The following REC114 variants were observed in gnomAD, a reference collection of about 807,000 sequenced individuals.
REC114 encodes REC114 meiotic recombination protein.
REC114 carries 27 observed loss-of-function variants against 31.3 expected under a neutral mutation model. That is an observed-to-expected ratio of 0.86 (90% CI 0.64 to 1.19). REC114 has a LOEUF of 1.19. Among genes scored for constraint, REC114 ranks in the 50% most tolerant of loss-of-function variants. REC114 has a pLI of 0.00. For synonymous variants in REC114, 134 were observed against 127.7 expected (o/e 1.05, Z -0.33); for missense variants, 344 against 326.9 (o/e 1.05, Z -0.40).
intron 4 of REC114, 30 bp from the exon 5 acceptor site, chr15:73,556,272 G>C: frequency 1.3e-6 from 2 of 1,579,972 alleles, no homozygotes; most frequent in Non-Finnish European, 1.7e-6. Flanking sequence ...CATTCAGCTA[G>C]TCTCCTTATT....
At chr15:73,534,026 G>A (rs1454830123) in intron 2 of REC114, among the ~76,000 whole-genome samples, 30 of 123,886 alleles carry the variant, frequency 2.4e-4, no homozygotes, top group African/African-American at 7.9e-4. Flanking sequence ...TCTCTGGGAC[G>A]CATTCAAAGC....
At chr15:73,541,854 TAAAC>T (rs960991713) in intron 3 of REC114, among the ~76,000 whole-genome samples, 1 of 152,180 alleles carries the variant, frequency 6.6e-6, no homozygotes, top group African/African-American at 2.4e-5. Context: ...ACTAAAATTT[TAAAC>T]TAACTACAAA....
intron 1 of REC114, among the ~76,000 whole-genome samples, chr15:73,457,065 CTTTTTT>C (rs934090597): frequency 8.5e-4 from 58 of 68,000 alleles, no homozygotes; most frequent in African/African-American, 3.1e-3. Context: ...TATTTCTGAG[CTTTTTT>C]TTTTTTTTTT....
intron 2 of REC114, among the ~76,000 whole-genome samples, chr15:73,528,592 T>C (rs1008376120): frequency 6.6e-5 from 10 of 152,258 alleles, no homozygotes; most frequent in African/African-American, 2.4e-4. Flanking sequence ...CCTGTTTTTG[T>C]ATGGCTTTTG....
chr15:73,494,287 G>A (rs1216685474), intron 2 of REC114, among the ~76,000 whole-genome samples: 22 of 151,892 alleles, frequency 1.4e-4, no homozygotes, highest in Non-Finnish European at 4.4e-5. Flanking sequence ...GCAGTGAGCC[G>A]AGATCTCGCT....
chr15:73,510,252 T>C (rs888820467), intron 2 of REC114, among the ~76,000 whole-genome samples: 13 of 152,176 alleles, frequency 8.5e-5, no homozygotes, highest in Non-Finnish European at 1.6e-4. Context: ...TTGTCTGTTG[T>C]TGGTGTATAA....
chr15:73,502,261 A>G (rs1893613517), intron 2 of REC114, among the ~76,000 whole-genome samples: 1 of 152,182 alleles, frequency 6.6e-6, no homozygotes, highest in Non-Finnish European at 1.5e-5. Flanking sequence ...CTTATAGAAA[A>G]AAAAATATAA....
intron 1 of REC114, among the ~76,000 whole-genome samples, chr15:73,455,780 C>T (rs1203890500): frequency 6.6e-6 from 1 of 152,070 alleles, no homozygotes; most frequent in Non-Finnish European, 1.5e-5. Flanking sequence ...TGGTTTAGAG[C>T]TGTGCTACCC....
At chr15:73,499,863 T>C (rs1300649574) in intron 2 of REC114, among the ~76,000 whole-genome samples, 3 of 152,204 alleles carry the variant, frequency 2.0e-5, no homozygotes, top group Admixed American at 1.3e-4. Flanking sequence ...TGGCGTGTTA[T>C]TGTATTACTG....
intron 1 of REC114, among the ~76,000 whole-genome samples, chr15:73,448,682 G>C (rs769788918): frequency 6.6e-6 from 1 of 152,172 alleles, no homozygotes; most frequent in Non-Finnish European, 1.5e-5. Flanking sequence ...GTGGGTCCCT[G>C]ACCTTTGTGT....
chr15:73,462,398 G>A (rs1357862162), intron 1 of REC114, among the ~76,000 whole-genome samples: 1 of 151,980 alleles, frequency 6.6e-6, no homozygotes, highest in African/African-American at 2.4e-5. Context: ...GTAGAATTAG[G>A]ACATTATATT....
chr15:73,527,829 G>A (rs1475766296), intron 2 of REC114, among the ~76,000 whole-genome samples: 1 of 152,092 alleles, frequency 6.6e-6, no homozygotes, highest in Admixed American at 6.5e-5. Context: ...AATATGAGTG[G>A]ATGGAGCTAC....
rs192941693 is a variant in REC114, at chr15:73,530,899, G to A, written c.250-9586G>A. Among the ~76,000 whole-genome samples, 10 of 152,180 alleles carry A rather than the reference G, an allele frequency of 6.6e-5. No homozygotes were observed. The East Asian group carries it at 1.5e-3, about 24-fold the overall frequency. The stretch of plus-strand genomic sequence containing the variant: ...CACCTTCTCACATTCATCAAGAAGC[G>A]CTTTTGGTGTTCTGGGCCTGGGGAC... On this transcript the variant is annotated intron_variant, in intron 2 of 5. Transcript: ENST00000331090.
chr15:73,506,742 C>A (rs1046933522), intron 2 of REC114, among the ~76,000 whole-genome samples: 2 of 152,122 alleles, frequency 1.3e-5, no homozygotes, highest in African/African-American at 4.8e-5. Flanking sequence ...AGGCAAATAA[C>A]TCTATCAAAC....
intron 2 of REC114, among the ~76,000 whole-genome samples, chr15:73,513,096 T>A (rs1421532982): frequency 1.4e-5 from 2 of 147,496 alleles, no homozygotes; most frequent in Non-Finnish European, 3.0e-5. Context: ...CAGACGTAGA[T>A]TTGGTCTTTT....
At chr15:73,546,763 G>A (rs1258051565) in intron 3 of REC114, among the ~76,000 whole-genome samples, 1 of 147,864 alleles carries the variant, frequency 6.8e-6, no homozygotes, top group Admixed American at 6.8e-5. Context: ...GCGGTGAGCC[G>A]AGATTGTGTC....
Position 73,502,152 on chromosome 15 carries a change from C to T in REC114, c.249+28231C>T, listed in dbSNP as rs968657094. Among the ~76,000 whole-genome samples the T allele has an allele frequency of 1.5e-3, 26 of 17,610 alleles. No homozygotes were observed. The South Asian group carries it at 0.025, about 17-fold the overall frequency. 11.6% of individuals were successfully genotyped at this position (17,610 alleles called of 152,430 possible). On this transcript the variant is annotated intron_variant, in intron 2 of 5. Transcript: ENST00000331090. ...CCTGGGCAACAGAGCAAGACCTTGT[C>T]TCTTAAAAAAAAAAAAATGACAGAA...
intron 2 of REC114, among the ~76,000 whole-genome samples, chr15:73,494,408 T>C: frequency 6.6e-6 from 1 of 151,338 alleles, no homozygotes. Flanking sequence ...AGGAGAATCA[T>C]TTGAACCTGG....
chr15:73,491,202 A>G (rs2141302718), intron 2 of REC114, among the ~76,000 whole-genome samples: 1 of 151,590 alleles, frequency 6.6e-6, no homozygotes, highest in Admixed American at 6.6e-5. Context: ...GTATTTGTGT[A>G]TTATCTTAAT....
Sources: allele counts gnomAD v4.1 joint callset (sites outside exome capture counted in the v4.1 genomes callset), GRCh38; gene constraint gnomAD v4.1.1; transcripts MANE v1.5; gene names NCBI Gene and HGNC (gene_info 2026-07-23, HGNC 2026-07-21).